The following ADGRL3 variants were observed in gnomAD, a reference collection of about 807,000 sequenced individuals.
ADGRL3 encodes the protein adhesion G protein-coupled receptor L3.
ADGRL3 carries 62 observed loss-of-function variants against 153.5 expected under a neutral mutation model. That is an observed-to-expected ratio of 0.40 (90% CI 0.33 to 0.50). The LOEUF is 0.50. ADGRL3 is among the 20% of genes least tolerant of loss of function. ADGRL3 has a pLI of 0.47. For missense variants in ADGRL3, 1,641 were observed against 1,859.4 expected (o/e 0.88, Z 2.16); for synonymous variants, 710 against 672.5 (o/e 1.06, Z -0.86).
chr4:61,418,273 T>A (rs2097166325), intron 2 of ADGRL3, among the ~76,000 whole-genome samples: 1 of 152,170 alleles, frequency 6.6e-6, no homozygotes. Context: ...CTCTTTAGGG[T>A]CAGAACAGGA....
In ADGRL3 at chr4:61,672,591, G is replaced by A. The variant is rs1201943847; in HGVS notation, c.474-4235G>A. Among the ~76,000 whole-genome samples the A allele has an allele frequency of 2.6e-5, 4 of 151,948 alleles. 1 individual carries two copies. The East Asian group carries it at 5.8e-4, about 22-fold the overall frequency. ...TAAAAAGTGCTCAACTTCACTAATC[G>A]TCAGGGAAATGTGAATCAAAACCAC... On this transcript the variant is annotated intron_variant, in intron 5 of 26. Transcript: ENST00000683033.
At chr4:61,647,750 T>C (rs1156239332) in intron 5 of ADGRL3, among the ~76,000 whole-genome samples, 2 of 151,148 alleles carry the variant, frequency 1.3e-5, no homozygotes, top group Non-Finnish European at 2.9e-5. Context: ...ATTCACTTTT[T>C]ATTGTATAGG....
intron 1 of ADGRL3, among the ~76,000 whole-genome samples, chr4:61,257,977 GT>G: frequency 6.6e-6 from 1 of 152,262 alleles, no homozygotes; most frequent in South Asian, 2.1e-4. Flanking sequence ...CAGAAGTGGT[GT>G]CTGAGTACAT....
At chr4:61,676,666 A>G (rs1047641736) in intron 5 of ADGRL3, among the ~76,000 whole-genome samples, 160 bp from the exon 6 acceptor site, 1 of 152,138 alleles carries the variant, frequency 6.6e-6, no homozygotes, top group Admixed American at 6.6e-5. Context: ...GTTTCTAAAA[A>G]GTGTACTACA....
chr4:61,746,023 C>A (rs1411565884), intron 8 of ADGRL3, among the ~76,000 whole-genome samples: 1 of 152,024 alleles, frequency 6.6e-6, no homozygotes, highest in East Asian at 1.9e-4. Context: ...ATCTACCAAA[C>A]AAATGGAAAA....
intron 5 of ADGRL3, among the ~76,000 whole-genome samples, chr4:61,607,424 C>G (rs2099036678): frequency 6.6e-6 from 1 of 152,074 alleles, no homozygotes; most frequent in South Asian, 2.1e-4. Context: ...TGGTGAAACC[C>G]CATCTCTACT....
intron 25 of ADGRL3, among the ~76,000 whole-genome samples, chr4:62,066,749 A>G (rs1743190718): frequency 1.3e-5 from 2 of 152,120 alleles, no homozygotes; most frequent in South Asian, 4.1e-4. Flanking sequence ...TAAGAATACA[A>G]GATCATTTTA....
At chr4:61,625,273 G>A (rs899485787) in intron 5 of ADGRL3, among the ~76,000 whole-genome samples, 3 of 151,938 alleles carry the variant, frequency 2.0e-5, no homozygotes, top group African/African-American at 4.8e-5. Flanking sequence ...GGTGGGGTAG[G>A]CCATATTGCT....
At chr4:61,585,571 A>G (rs2098943060) in intron 4 of ADGRL3, among the ~76,000 whole-genome samples, 1 of 152,072 alleles carries the variant, frequency 6.6e-6, no homozygotes, top group Non-Finnish European at 1.5e-5. Flanking sequence ...TTAGTGAGTT[A>G]ATCAACTATA....
At chr4:61,241,492 A>C (rs2149327926) in intron 1 of ADGRL3, among the ~76,000 whole-genome samples, 1 of 152,172 alleles carries the variant, frequency 6.6e-6, no homozygotes, top group South Asian at 2.1e-4. Context: ...ATGGCTTGGA[A>C]ATATTTTTAA....
At chr4:61,397,148 G>C (rs1374505959) in intron 2 of ADGRL3, among the ~76,000 whole-genome samples, 1 of 151,620 alleles carries the variant, frequency 6.6e-6, no homozygotes, top group East Asian at 1.9e-4. Flanking sequence ...ATTTATAATT[G>C]TTACCAAATT....
chr4:61,881,103 G>C (rs188549567), intron 9 of ADGRL3, among the ~76,000 whole-genome samples: 6 of 152,238 alleles, frequency 3.9e-5, no homozygotes, highest in Admixed American at 3.9e-4. Flanking sequence ...TATATTTTGA[G>C]ATACGGTACT....
chr4:61,238,931 A>G (rs906195427), intron 1 of ADGRL3, among the ~76,000 whole-genome samples: 3 of 152,172 alleles, frequency 2.0e-5, no homozygotes, highest in South Asian at 4.1e-4. Flanking sequence ...GAATAATTAA[A>G]GCTTTTTAAA....
intron 6 of ADGRL3, among the ~76,000 whole-genome samples, chr4:61,707,159 A>G (rs2095870854): frequency 6.6e-6 from 1 of 152,196 alleles, no homozygotes; most frequent in African/African-American, 2.4e-5. Flanking sequence ...ACCATCTTAT[A>G]TAGGCATGGT....
At chr4:61,631,317 A>T in intron 5 of ADGRL3, among the ~76,000 whole-genome samples, 1 of 152,254 alleles carries the variant, frequency 6.6e-6, no homozygotes, top group Non-Finnish European at 1.5e-5. Context: ...AAGATCAAAT[A>T]AACTTAGGAA....
At chr4:61,582,536 G>A (rs977340698) in intron 4 of ADGRL3, among the ~76,000 whole-genome samples, 1 of 151,902 alleles carries the variant, frequency 6.6e-6, no homozygotes, top group East Asian at 1.9e-4. Flanking sequence ...TTTTATGATT[G>A]CATAGTATTC....
chr4:61,334,249 A>G (rs555352401), intron 1 of ADGRL3, among the ~76,000 whole-genome samples: 4 of 152,186 alleles, frequency 2.6e-5, no homozygotes, highest in African/African-American at 9.6e-5. Context: ...TATAGTGTAC[A>G]TGAACTATAA....
intron 8 of ADGRL3, among the ~76,000 whole-genome samples, chr4:61,762,606 G>C (rs189819801): frequency 3.3e-5 from 5 of 152,038 alleles, no homozygotes; most frequent in Non-Finnish European, 5.9e-5. Flanking sequence ...GGCAAATACC[G>C]TAAGTTAAAT....
intron 8 of ADGRL3, among the ~76,000 whole-genome samples, chr4:61,742,987 A>C (rs2151936794): frequency 6.6e-6 from 1 of 150,448 alleles, no homozygotes; most frequent in East Asian, 2.0e-4. Flanking sequence ...TGACTGCAAT[A>C]TTTTAGCCTT....
Sources: gnomAD v4.1 joint callset for allele counts (sites outside exome capture counted in the v4.1 genomes callset) on GRCh38, gnomAD v4.1.1 for gene constraint, MANE v1.5 for transcripts, NCBI Gene and HGNC (gene_info 2026-07-23, HGNC 2026-07-21) for gene names.